The following ABCA1 variants were observed in gnomAD, a reference collection of about 807,000 sequenced individuals.
ABCA1 encodes ATP binding cassette subfamily A member 1, also known as phospholipid-transporting ATPase ABCA1.
ABCA1 carries 133 observed loss-of-function variants against 262.5 expected under a neutral mutation model. That is an observed-to-expected ratio of 0.51 (90% CI 0.44 to 0.59). ABCA1 has a LOEUF of 0.59. Ranked by LOEUF, ABCA1 falls within the 20% of genes least tolerant of loss-of-function variation. ABCA1 has a pLI of 0.00. For synonymous variants in ABCA1, 1,022 were observed against 1,043.5 expected, an observed-to-expected ratio of 0.98 and a Z score of 0.40; for missense variants, 2,452 against 2,777.5, an observed-to-expected ratio of 0.88 and a Z score of 2.63.
chr9:104,867,057 G>T (rs913967438), intron 5 of ABCA1, among the ~76,000 whole-genome samples: 2 of 152,198 alleles, frequency 1.3e-5, no homozygotes, highest in East Asian at 3.9e-4. Context: ...GGGAATTGCC[G>T]ATTGCAGAGA....
chr9:104,802,363 G>A (rs1012687847), intron 33 of ABCA1, among the ~76,000 whole-genome samples: 1 of 152,200 alleles, frequency 6.6e-6, no homozygotes, highest in Non-Finnish European at 1.5e-5. Context: ...GCCCAGCAGG[G>A]AGGACCTGGC....
chr9:104,895,765 CAA>C (rs1396429607), intron 2 of ABCA1, among the ~76,000 whole-genome samples: 4 of 152,144 alleles, frequency 2.6e-5, no homozygotes, highest in Admixed American at 2.0e-4. Flanking sequence ...TCATAGACCA[CAA>C]TCCAGTCACT....
At chr9:104,825,484 T>C in intron 17 of ABCA1, 199 bp downstream of exon 17, 1 of 647,412 alleles carries the variant, frequency 1.5e-6, no homozygotes, top group Non-Finnish European at 2.8e-6. Context: ...TGGCACACAG[T>C]TTTCAAGAAA....
At chr9:104,800,665 C>T (rs1455868078) in intron 34 of ABCA1, 81 bp from the exon 35 acceptor site, 5 of 1,281,148 alleles carry the variant, frequency 3.9e-6, no homozygotes, top group Non-Finnish European at 5.7e-6. Context: ...CTGTGGACAA[C>T]AGGACGGCCC....
intron 29 of ABCA1, 84 bp downstream of exon 29, chr9:104,810,716 C>A: frequency 6.2e-7 from 1 of 1,603,974 alleles, no homozygotes. Context: ...CCGTGTAATT[C>A]TGAAGTCCAT....
rs1296884530 is a variant in ABCA1 at position 104,828,949 on chromosome 9, A to G, written c.2082T>C (p.Leu694=). The G allele has an allele frequency of 6.2e-6, 10 of 1,614,042 alleles. No homozygotes were observed. The highest frequency in any genetic ancestry group is 1.3e-5 in the African/African-American group (1 of 74,894). ...TGACCACTAGCAGGCCAGCGCTCAC[A>G]AGAAGAGGAATGAGGCTACTAATGA... ...SWFISSLIPL[L]VSAGLLVVIL... The change falls in exon 15 of 50, where the codon CTT becomes CTC. Residue 694 remains leucine, a synonymous_variant. Transcript: ENST00000374736.
At chr9:104,880,432 C>T (rs979330950) in intron 5 of ABCA1, among the ~76,000 whole-genome samples, 9 of 151,004 alleles carry the variant, frequency 6.0e-5, no homozygotes, top group Non-Finnish European at 1.0e-4. Flanking sequence ...CCCAGGAATT[C>T]GAGGCTGCAG....
In ABCA1 at chr9:104,786,920, G is replaced by A. The variant is rs1420779077; in HGVS notation, c.6261C>T (p.Ala2087=). 6.2e-7 allele frequency: 1 copy of A among 1,613,936 alleles called. No homozygotes were observed. Among genetic ancestry groups the A allele is most frequent in the South Asian group, 1.1e-5 (1 of 91,074 alleles). The change falls in exon 47 of 50, where the codon GCC becomes GCT. Residue 2087 remains alanine, a synonymous_variant. Transcript: ENST00000374736. ...PKARRFLWNC[A]LSVVKEGRSV... The stretch of plus-strand genomic sequence containing the variant: ...ATCTCCCCTCCTTGACAACACTTAG[G>A]GCACAATTCCACAAGAACCGCCGGG...
Position 104,824,478 on chromosome 9 carries a change from C to T in ABCA1, c.2643G>A (p.Lys881=). The T allele has an allele frequency of 1.2e-6, 2 of 1,614,176 alleles. No individual in the cohort carries two copies. The highest frequency in any genetic ancestry group is 1.7e-6 in the Non-Finnish European group (2 of 1,180,026). Residue 881 remains lysine (K), a synonymous_variant, in exon 18 of 50, where the codon AAG becomes AAA. Transcript: ENST00000374736. Reference sequence around the variant, plus strand: ...AACAGCACTTACTTTCTGATATTCTCTTCTGGTTGGAACCAGGGTGGCTCT... The same window carrying T: ...AACAGCACTTACTTTCTGATATTCTTTTCTGGTTGGAACCAGGGTGGCTCT... The part of the protein sequence containing the change: ...DEKSHPGSNQ[K]RISEICMEEE...
In ABCA1 at chr9:104,805,113, T is replaced by C. The variant is rs574597305; in HGVS notation, c.4465-393A>G. ...TTTTTGATATGGAGTTTTGCTGTGT[T>C]GCTCAGGCTGGAGTACAGTGGCGCA... On this transcript the variant is annotated intron_variant, in intron 31 of 49. Transcript: ENST00000374736. Among the ~76,000 whole-genome samples the C allele has an allele frequency of 3.3e-5, 5 of 152,322 alleles. No individual in the cohort carries two copies. In the South Asian group the frequency reaches 1.0e-3, roughly 32 times the overall value.
chr9:104,900,586 G>C (rs1840588852), intron 2 of ABCA1, among the ~76,000 whole-genome samples: 1 of 152,208 alleles, frequency 6.6e-6, no homozygotes. Context: ...GGATTGGAAA[G>C]TAGCTACCAG....
chr9:104,802,030 T>C lies in ABCA1; in HGVS notation c.4698+24A>G, dbSNP rs149760720. On this transcript the variant is annotated intron_variant, in intron 34 of 49. Transcript: ENST00000374736. ...AGCAGCTACATGCCCATTTTTCTGA[T>C]ACATCTTACGATAGATATTTTACCT... 30 of 1,609,386 alleles carry C rather than the reference T, an allele frequency of 1.9e-5. 1 individual carries two copies. The highest frequency in any genetic ancestry group is 1.7e-4 in the Middle Eastern group (1 of 6,054).
chr9:104,862,646 G>GCCCCCCACC (rs1564197987), intron 5 of ABCA1, among the ~76,000 whole-genome samples: 11 of 2,888 alleles, frequency 3.8e-3, no homozygotes, highest in African/African-American at 8.1e-3. Context: ...GGCCGGGCCG[G>GCCCCCCACC]GCCGGGCCGG....
chr9:104,820,289 G>A (rs546585615), intron 20 of ABCA1, among the ~76,000 whole-genome samples: 8 of 152,158 alleles, frequency 5.3e-5, no homozygotes, highest in African/African-American at 7.2e-5. Flanking sequence ...GTGACAGATC[G>A]CTTCCAACCT....
chr9:104,858,678 C>T lies in ABCA1; in HGVS notation c.564G>A (p.Gln188=). The T allele has an allele frequency of 1.9e-6, 3 of 1,614,130 alleles. No individual in the cohort carries two copies. Among genetic ancestry groups the T allele is most frequent in the Admixed American group, 1.7e-5 (1 of 60,022 alleles). The change falls in exon 7 of 50, where the codon CAG becomes CAA. Residue 188 remains glutamine (Q), a synonymous_variant. Coordinates refer to ENST00000374736, the MANE Select transcript of ABCA1 (RefSeq NM_005502.4). The stretch of plus-strand genomic sequence containing the variant: ...CATTGCACAGACTTGTCAAATGTAA[C>T]TGGTAGCCTTGCAAAAATACCTGGA... ...ILHKVFLQGY[Q]LHLTSLCNGS...
chr9:104,831,677 A>G lies in ABCA1; in HGVS notation c.1660T>C (p.Tyr554His). 6.2e-7 allele frequency: 1 copy of G among 1,614,200 alleles called. No individual in the cohort carries two copies. Among genetic ancestry groups the G allele is most frequent in the Non-Finnish European group, 8.5e-7 (1 of 1,180,042 alleles). Residue 554 changes from tyrosine (Y) to histidine (H), a missense_variant, in exon 13 of 50, where the codon TAC becomes CAC. Coordinates refer to ENST00000374736, the MANE Select transcript of ABCA1 (RefSeq NM_005502.4). ...GSIELPHHVK[Y>H]KIRMDIDNVE... is the part of the protein sequence containing the mutation. ...TTGTCAATGTCCATTCGGATCTTGT[A>G]CTTGACATGATGGGGCAGCTCAATG...
At chr9:104,886,920 T>TA (rs1839227172) in intron 3 of ABCA1, among the ~76,000 whole-genome samples, 1 of 152,234 alleles carries the variant, frequency 6.6e-6, no homozygotes, top group South Asian at 2.1e-4. Flanking sequence ...ACCTTAACTT[T>TA]TAACTCTGCT....
chr9:104,865,004 T>G (rs553040705), intron 5 of ABCA1, among the ~76,000 whole-genome samples: 1 of 152,162 alleles, frequency 6.6e-6, no homozygotes, highest in African/African-American at 2.4e-5. Flanking sequence ...GTAGGTTCGC[T>G]GGGTTGGGAA....
At chr9:104,923,193 T>C (rs1028110805) in intron 1 of ABCA1, among the ~76,000 whole-genome samples, 2 of 152,244 alleles carry the variant, frequency 1.3e-5, no homozygotes, top group Non-Finnish European at 2.9e-5. Flanking sequence ...AACAAATTTT[T>C]ACAATTCACC....
Sources: allele counts gnomAD v4.1 joint callset (sites outside exome capture counted in the v4.1 genomes callset), GRCh38; gene constraint gnomAD v4.1.1; transcripts MANE v1.5; gene names NCBI Gene and HGNC (gene_info 2026-07-23, HGNC 2026-07-21).